CCSER2: variants seen among roughly 807,000 people sequenced by gnomAD.
CCSER2 encodes coiled-coil serine rich protein 2, also known as serine-rich coiled-coil domain-containing protein 2.
A neutral mutation model predicts 92.3 loss-of-function variants in CCSER2; 46 were observed. The observed-to-expected ratio is 0.50, with a 90% confidence interval of 0.39 to 0.64. CCSER2 has a LOEUF of 0.64. Ranked by LOEUF, CCSER2 falls within the 30% of genes least tolerant of loss-of-function variation. CCSER2 has a pLI of 0.00. For missense variants in CCSER2, 1,244 were observed against 1,238.9 expected (o/e 1.00, Z -0.06); for synonymous variants, 433 against 431.4 (o/e 1.00, Z -0.04).
intron 5 of CCSER2, among the ~76,000 whole-genome samples, chr10:84,432,357 C>A (rs1843823860): frequency 6.6e-6 from 1 of 152,082 alleles, no homozygotes; most frequent in Admixed American, 6.5e-5. Context: ...GATCCCATCA[C>A]CCAGGTAGTG....
At chr10:84,421,064 G>A (rs10887287) in intron 4 of CCSER2, among the ~76,000 whole-genome samples, 7,052 of 152,132 alleles carry the variant, frequency 0.046, 237 homozygotes, top group East Asian at 0.16. Context: ...TTGGATACAA[G>A]TTTGCTGTGA....
chr10:84,373,647 T>G lies in CCSER2; in HGVS notation c.1446T>G (p.Ser482=), dbSNP rs1197113029. ...SDRSECTKHT[S]GNNLVSPDTD... is the part of the protein sequence containing the mutation. The stretch of plus-strand genomic sequence containing the variant: ...GGAGTGAATGTACAAAACATACTTC[T>G]GGGAATAATTTGGTTTCACCAGATA... Residue 482 remains serine, a synonymous_variant, in exon 3 of 10, where the codon TCT becomes TCG. Transcript: ENST00000372088. 1 of 1,613,090 alleles carries G rather than the reference T, an allele frequency of 6.2e-7. No homozygotes were observed. Among genetic ancestry groups the G allele is most frequent in the African/African-American group, 1.3e-5 (1 of 74,886 alleles).
intron 3 of CCSER2, among the ~76,000 whole-genome samples, chr10:84,386,299 C>A (rs764953953): frequency 2.6e-5 from 4 of 152,180 alleles, no homozygotes; most frequent in Non-Finnish European, 5.9e-5. Context: ...GTATGTTTAT[C>A]ACAATAAATA....
At chr10:84,373,350 G>C (rs1344662254) in intron 2 of CCSER2, among the ~76,000 whole-genome samples, 1 of 151,620 alleles carries the variant, frequency 6.6e-6, no homozygotes, top group Non-Finnish European at 1.5e-5. Flanking sequence ...GGAATATGAG[G>C]GTTTATTTAC....
intron 5 of CCSER2, among the ~76,000 whole-genome samples, chr10:84,427,542 C>G (rs747825978): frequency 2.0e-5 from 3 of 152,190 alleles, no homozygotes; most frequent in Non-Finnish European, 4.4e-5. Flanking sequence ...TCTTCTGTCC[C>G]TTAACTCCCG....
At chr10:84,370,963 T>C in intron 1 of CCSER2, 51 bp from the exon 2 acceptor site, 1 of 798,868 alleles carries the variant, frequency 1.3e-6, no homozygotes, top group East Asian at 2.8e-5. Context: ...ATAATTCATG[T>C]AATTATCCTT....
chr10:84,419,365 A>T (rs1843027649), intron 4 of CCSER2, among the ~76,000 whole-genome samples: 1 of 96,896 alleles, frequency 1.0e-5, no homozygotes, highest in South Asian at 3.1e-4. Flanking sequence ...CAAAAAAAAA[A>T]AAATAAAATA....
intron 6 of CCSER2, among the ~76,000 whole-genome samples, chr10:84,450,405 T>C (rs1456028491): frequency 3.9e-5 from 6 of 152,236 alleles, no homozygotes; most frequent in Non-Finnish European, 7.3e-5. Context: ...TATCTCCCTA[T>C]ATTACACACA....
chr10:84,390,842 T>A (rs1841480525), intron 3 of CCSER2: 1 of 550,242 alleles, frequency 1.8e-6, no homozygotes, highest in African/African-American at 1.9e-5. Flanking sequence ...TTGGACATCT[T>A]AATCTTAATC....
intron 1 of CCSER2, among the ~76,000 whole-genome samples, chr10:84,361,142 T>C (rs931756441): frequency 6.6e-6 from 1 of 152,218 alleles, no homozygotes; most frequent in Non-Finnish European, 1.5e-5. Context: ...GGCTTTCTTA[T>C]ATGTTTCTCT....
intron 9 of CCSER2, among the ~76,000 whole-genome samples, chr10:84,486,552 T>C (rs1191056383): frequency 6.6e-6 from 1 of 152,238 alleles, no homozygotes; most frequent in Non-Finnish European, 1.5e-5. Context: ...TTTTGAGAAG[T>C]GTCTGTTCAT....
At chr10:84,457,357 ATATT>A (rs1276752513) in intron 6 of CCSER2, among the ~76,000 whole-genome samples, 34,871 of 84,516 alleles carry the variant, frequency 0.41, 8,413 homozygotes, top group East Asian at 0.65. Flanking sequence ...TATAATATAT[ATATT>A]TATTTTAAAT....
intron 6 of CCSER2, among the ~76,000 whole-genome samples, chr10:84,449,723 G>A (rs774177691): frequency 5.3e-5 from 8 of 151,970 alleles, no homozygotes; most frequent in Non-Finnish European, 1.0e-4. Context: ...GCGTGGTGGC[G>A]CATGCCTGTA....
At chr10:84,375,586 TTCTCTA>T (rs1175769825) in intron 3 of CCSER2, among the ~76,000 whole-genome samples, 13 of 151,488 alleles carry the variant, frequency 8.6e-5, no homozygotes, top group South Asian at 8.3e-4. Flanking sequence ...CTTAGTGATC[TTCTCTA>T]TCTCTAACTA....
chr10:84,464,190 A>G (rs1418158409), intron 7 of CCSER2, among the ~76,000 whole-genome samples, 174 bp downstream of exon 7: 1 of 152,204 alleles, frequency 6.6e-6, no homozygotes, highest in Non-Finnish European at 1.5e-5. Context: ...TTTAATTTGA[A>G]TTTATCAGTT....
intron 6 of CCSER2, among the ~76,000 whole-genome samples, chr10:84,444,430 T>C (rs1844782412): frequency 1.3e-5 from 2 of 152,212 alleles, no homozygotes; most frequent in Admixed American, 1.3e-4. Flanking sequence ...TGGACATTCT[T>C]CTAGGTTCTC....
intron 4 of CCSER2, among the ~76,000 whole-genome samples, chr10:84,423,774 G>A (rs1212623120): frequency 7.2e-5 from 11 of 152,028 alleles, no homozygotes; most frequent in Admixed American, 7.2e-4. Flanking sequence ...ACTTAACTGG[G>A]TCTTAACTGA....
chr10:84,449,667 C>A (rs983652455), intron 6 of CCSER2, among the ~76,000 whole-genome samples: 3 of 152,092 alleles, frequency 2.0e-5, no homozygotes, highest in Non-Finnish European at 4.4e-5. Context: ...CCAGCCTGAT[C>A]AACATGAAGA....
chr10:84,496,502 G>A (rs527627219), intron 9 of CCSER2, among the ~76,000 whole-genome samples: 37 of 151,862 alleles, frequency 2.4e-4, no homozygotes, highest in Non-Finnish European at 8.8e-5. Flanking sequence ...AGCCAGGATG[G>A]TCTGGATCTC....
Sources: allele counts gnomAD v4.1 joint callset (sites outside exome capture counted in the v4.1 genomes callset), GRCh38; gene constraint gnomAD v4.1.1; transcripts MANE v1.5; gene names NCBI Gene and HGNC (gene_info 2026-07-23, HGNC 2026-07-21).